VWCE: variants seen among roughly 807,000 people sequenced by gnomAD.
The protein encoded by VWCE is von Willebrand factor C and EGF domains.
A neutral mutation model predicts 102.9 loss-of-function variants in VWCE; 68 were observed. The observed-to-expected ratio is 0.66, with a 90% CI of 0.54 to 0.81. The LOEUF (loss-of-function observed/expected upper bound fraction) is 0.81. Among genes scored for constraint, VWCE ranks in the 30% least tolerant of loss-of-function variants. The probability of loss-of-function intolerance (pLI) is 0.00; values close to 1 mark genes in which losing one functional copy is unlikely to be tolerated. For missense variants in VWCE, 1,137 were observed against 1,263.6 expected, an observed-to-expected ratio of 0.90 and a Z score of 1.52; for synonymous variants, 497 against 515.4, an observed-to-expected ratio of 0.96 and a Z score of 0.48.
chr11:61,290,242 T>C (rs1320318235), intron 4 of VWCE, among the ~76,000 whole-genome samples: 3 of 152,312 alleles, frequency 2.0e-5, no homozygotes, highest in African/African-American at 7.2e-5. Context: ...CTGGGTGCGG[T>C]GGCTCACGCC....
At chr11:61,259,441 C>T in intron 19 of VWCE, 129 bp from the exon 20 acceptor site, 1 of 1,177,362 alleles carries the variant, frequency 8.5e-7, no homozygotes, top group East Asian at 2.6e-5. Context: ...TGGTGAGGAC[C>T]AGCCAGCTCC....
Position 61,259,182 on chromosome 11 carries a change from C to T in VWCE, c.2361G>A (p.Pro787=), listed in dbSNP as rs762163918. 1.1e-5 allele frequency: 17 copies of T among 1,614,158 alleles called. No individual in the cohort carries two copies. The highest frequency in any genetic ancestry group is 1.3e-5 in the Non-Finnish European group (15 of 1,180,018). Residue 787 remains proline (P), a synonymous_variant, in exon 20 of 20, where the codon CCG becomes CCA. Coordinates refer to ENST00000335613, the MANE Select transcript of VWCE (RefSeq NM_152718.2). ...PVNCSSCPGP[P]TASPSRPVLH... is the part of the protein sequence containing the mutation. The stretch of plus-strand genomic sequence containing the variant: ...GCACCGGCCTCGAGGGTGATGCTGT[C>T]GGGGGCCCAGGACAGGAGCTACAGT...
At chr11:61,287,532 ACGCAAATGTGACTAACTAAGACACAG>A (rs1032734115) in intron 4 of VWCE, among the ~76,000 whole-genome samples, 32 of 140,170 alleles carry the variant, frequency 2.3e-4, no homozygotes, top group African/African-American at 1.0e-3. Flanking sequence ...GCTGTTGAGG[ACGCAAATGTGACTAACTAAGACACAG>A]CGCTGACTCC....
At chr11:61,263,163 C>T (rs1590609714) in intron 19 of VWCE, among the ~76,000 whole-genome samples, 2 of 152,022 alleles carry the variant, frequency 1.3e-5, no homozygotes, top group African/African-American at 2.4e-5. Flanking sequence ...AAAAATTAGC[C>T]GGGCATGGTG....
rs1408140277 is a variant in VWCE, at chr11:61,294,540, CA to C, written c.110+387del. Among the ~76,000 whole-genome samples, 1 of 152,182 alleles carries C rather than the reference CA, an allele frequency of 6.6e-6. No homozygotes were observed. Among genetic ancestry groups the C allele is most frequent in the Non-Finnish European group, 1.5e-5 (1 of 68,034 alleles). ...AAGACCCAGGGAAAGCCCCGCGCGG[CA>C]GGGGAGGCCAGGCGCTGCCCGGGCA... On this transcript the variant is annotated intron_variant, in intron 1 of 19. Coordinates refer to ENST00000335613, the MANE Select transcript of VWCE (RefSeq NM_152718.2). This position sits in a 1 kb window ranked among gnomAD's most constrained non-coding sequence, Gnocchi z 6.3.
At chr11:61,292,171 C>T (rs1282637985) in intron 1 of VWCE, among the ~76,000 whole-genome samples, 1 of 151,296 alleles carries the variant, frequency 6.6e-6, no homozygotes, top group Non-Finnish European at 1.5e-5. Flanking sequence ...TGCAGCGAGC[C>T]AAGTTGGCGC....
intron 9 of VWCE, among the ~76,000 whole-genome samples, chr11:61,280,059 T>C (rs1855066784): frequency 6.6e-6 from 1 of 152,146 alleles, no homozygotes; most frequent in Admixed American, 6.6e-5. Context: ...ATCCCCTTGA[T>C]TCAACTGCAG....
At chr11:61,283,252 C>T (rs1855205223) in intron 5 of VWCE, among the ~76,000 whole-genome samples, 1 of 152,200 alleles carries the variant, frequency 6.6e-6, no homozygotes, top group Non-Finnish European at 1.5e-5. Context: ...GGCCCTTCTG[C>T]TCAAAACCTC....
In VWCE at chr11:61,271,702, AC is replaced by A; in HGVS notation, c.1757del (p.Gly586ValfsTer15). 6.2e-7 allele frequency: 1 copy of A among 1,613,564 alleles called. No individual in the cohort carries two copies. Among genetic ancestry groups the A allele is most frequent in the Non-Finnish European group, 8.5e-7 (1 of 1,179,766 alleles). The stretch of plus-strand genomic sequence containing the variant: ...GGCAGATGCATAACTCACAGGGGTC[AC>A]CAGGCGACCAGATCTGTCCAATCGG... ...EFPIGQIWSP[G>X]DPCELCICQA... On this transcript the variant is annotated frameshift_variant, in exon 14 of 20. Transcript: ENST00000335613. LOFTEE classifies it high-confidence loss of function.
Position 61,259,007 on chromosome 11 carries a change from G to A in VWCE, c.2536C>T (p.Pro846Ser). The A allele has an allele frequency of 6.2e-7, 1 of 1,613,602 alleles. No individual in the cohort carries two copies. The highest frequency in any genetic ancestry group is 2.2e-5 in the East Asian group (1 of 44,868). Residue 846 changes from proline (P) to serine (S), a missense_variant, in exon 20 of 20, where the codon CCA becomes TCA. Physicochemically the swap from Pro to Ser is moderately conservative, Grantham distance 74. Coordinates refer to ENST00000335613, the MANE Select transcript of VWCE (RefSeq NM_152718.2). ...GEPGASPRLS[P>S]GPSTPPGAPT... ...GCTCCTGGAGGGGTCGAAGGCCCTG[G>A]TGAGAGTCGAGGGGAGGCCCCAGGC...
intron 4 of VWCE, among the ~76,000 whole-genome samples, chr11:61,287,641 T>C (rs528340603): frequency 3.2e-4 from 49 of 152,264 alleles, no homozygotes; most frequent in African/African-American, 1.1e-3. Context: ...TGGGATGATA[T>C]ATGCCCCACC....
At chr11:61,279,212 TAA>T (rs1357487004) in intron 9 of VWCE, among the ~76,000 whole-genome samples, 1 of 152,048 alleles carries the variant, frequency 6.6e-6, no homozygotes, top group Non-Finnish European at 1.5e-5. Flanking sequence ...ACCTGGGCAA[TAA>T]AGTACCCAAT....
chr11:61,271,635 G>C lies in VWCE; in HGVS notation c.1785+40C>G, dbSNP rs114768990. The C allele has an allele frequency of 5.7e-4, 896 of 1,568,260 alleles. 7 individuals carry two copies. In the African/African-American group the frequency reaches 0.011, roughly 19 times the overall value. ...TGTCTCCTCTGGGTGAGGCGGGGCA[G>C]CCAGGTAAAGCAGCTGAAGGCGAGC... On this transcript the variant is annotated intron_variant, in intron 14 of 19. Transcript: ENST00000335613.
At chr11:61,271,336 AG>A (rs1854690691) in intron 14 of VWCE, 1 of 245,594 alleles carries the variant, frequency 4.1e-6, no homozygotes, top group Non-Finnish European at 8.2e-6. Context: ...TAGTAGAGAC[AG>A]GGTTTCACCA....
chr11:61,291,361 G>A lies in VWCE; in HGVS notation c.206-8C>T. On this transcript the variant is annotated splice_region_variant and splice_polypyrimidine_tract_variant and intron_variant, in intron 2 of 19. Transcript: ENST00000335613. ...AGCCGAAGGAGCAGAGGGCTGAGAG[G>A]AGAAGTGCAGGTGAGACACGAGGAA... 6.2e-7 allele frequency: 1 copy of A among 1,611,334 alleles called. No individual in the cohort carries two copies. Among genetic ancestry groups the A allele is most frequent in the Non-Finnish European group, 8.5e-7 (1 of 1,178,738 alleles).
chr11:61,292,440 G>T (rs1855535126), intron 1 of VWCE, among the ~76,000 whole-genome samples: 1 of 152,100 alleles, frequency 6.6e-6, no homozygotes. Flanking sequence ...GATGACAAGG[G>T]TTTCTTATCT....
intron 15 of VWCE, 49 bp from the exon 16 acceptor site, chr11:61,267,593 C>A: frequency 6.3e-7 from 1 of 1,590,642 alleles, no homozygotes; most frequent in South Asian, 1.1e-5. Flanking sequence ...GGCCAGGCAC[C>A]AGGCTTCCCG....
intron 13 of VWCE, among the ~76,000 whole-genome samples, chr11:61,272,654 A>G (rs543241585): frequency 6.6e-6 from 1 of 152,128 alleles, no homozygotes; most frequent in Non-Finnish European, 1.5e-5. Flanking sequence ...ACACAGGCAA[A>G]GACACATGTA....
intron 19 of VWCE, 131 bp downstream of exon 19, chr11:61,264,356 T>C (rs1854446239): frequency 9.2e-6 from 8 of 868,834 alleles, no homozygotes; most frequent in African/African-American, 1.7e-5. Context: ...TGTACAACCT[T>C]GCGCGAGCCG....
Sources: gnomAD v4.1 joint callset for allele counts (sites outside exome capture counted in the v4.1 genomes callset) on GRCh38, gnomAD v4.1.1 for gene constraint, Gnocchi (gnomAD v3.1) non-coding constraint, MANE v1.5 for transcripts, NCBI Gene and HGNC (gene_info 2026-07-23, HGNC 2026-07-21) for gene names.